NUGGC: variants seen among roughly 807,000 people sequenced by gnomAD.
NUGGC encodes nuclear GTPase SLIP-GC.
A neutral mutation model predicts 92.6 loss-of-function variants in NUGGC; 58 were observed. The ratio of observed to expected loss-of-function variants is 0.63; its 90% CI spans 0.51 to 0.78. The LOEUF (loss-of-function observed/expected upper bound fraction) is 0.78. Ranked by LOEUF, NUGGC falls within the 30% of genes least tolerant of loss-of-function variation. The pLI is 0.00. For synonymous variants in NUGGC, 376 were observed against 366.4 expected (o/e 1.03, Z -0.30); for missense variants, 925 against 964.6 (o/e 0.96, Z 0.54).
At chr8:28,026,659 A>G (rs1329002924) in intron 18 of NUGGC, among the ~76,000 whole-genome samples, 2 of 152,160 alleles carry the variant, frequency 1.3e-5, no homozygotes, top group African/African-American at 4.8e-5. Flanking sequence ...AACAACATCT[A>G]TCCCTGGGAG....
At chr8:28,069,506 C>G (rs761879942) in intron 4 of NUGGC, 38 bp downstream of exon 4, 7 of 1,019,040 alleles carry the variant, frequency 6.9e-6, no homozygotes, top group South Asian at 5.4e-5. Flanking sequence ...AGGAAAGACA[C>G]TGACATAAAA....
At chr8:28,055,873 C>A in intron 10 of NUGGC, 92 bp downstream of exon 10, 1 of 674,918 alleles carries the variant, frequency 1.5e-6, no homozygotes, top group Non-Finnish European at 2.5e-6. Flanking sequence ...AAACTTTGGC[C>A]CTTGCAACTA....
intron 2 of NUGGC, among the ~76,000 whole-genome samples, chr8:28,070,983 T>C (rs1416982956): frequency 6.6e-6 from 1 of 151,596 alleles, no homozygotes; most frequent in African/African-American, 2.4e-5. Flanking sequence ...TACAAGACCC[T>C]GTCTCAAAAA....
chr8:28,057,190 G>A (rs765366529), intron 9 of NUGGC, among the ~76,000 whole-genome samples: 27 of 152,172 alleles, frequency 1.8e-4, no homozygotes, highest in Admixed American at 8.5e-4. Flanking sequence ...CATATGTGCC[G>A]TAGATTGAGG....
chr8:28,031,147 C>A, intron 15 of NUGGC, 96 bp downstream of exon 15: 1 of 1,403,242 alleles, frequency 7.1e-7, no homozygotes, highest in Non-Finnish European at 1.0e-6. Flanking sequence ...CTGGATACTC[C>A]AGGGAACAAG....
chr8:28,060,718 C>T, intron 7 of NUGGC, 117 bp from the exon 8 acceptor site: 7 of 805,392 alleles, frequency 8.7e-6, no homozygotes, highest in Non-Finnish European at 1.3e-5. Context: ...CACCGCTCCC[C>T]ACCGCACTCT....
chr8:28,060,717 C>T (rs1475433368), intron 7 of NUGGC, 116 bp from the exon 8 acceptor site: 4 of 803,594 alleles, frequency 5.0e-6, no homozygotes, highest in African/African-American at 3.5e-5. Context: ...TCACCGCTCC[C>T]CACCGCACTC....
chr8:28,038,149 G>A (rs1489453621), intron 13 of NUGGC, among the ~76,000 whole-genome samples: 5 of 152,142 alleles, frequency 3.3e-5, no homozygotes, highest in Admixed American at 3.3e-4. Context: ...GCTAAGAATG[G>A]CTTCAGTTAG....
chr8:28,040,168 G>T (rs1273664301), intron 13 of NUGGC, among the ~76,000 whole-genome samples: 1 of 152,172 alleles, frequency 6.6e-6, no homozygotes, highest in Non-Finnish European at 1.5e-5. Flanking sequence ...ATAGGATTTT[G>T]TTATGGCAGC....
In NUGGC at chr8:28,029,330, T is replaced by G. The variant is rs1809352701; in HGVS notation, c.2090A>C (p.Gln697Pro). 1.2e-6 allele frequency: 2 copies of G among 1,611,404 alleles called. No homozygotes were observed. The highest frequency in any genetic ancestry group is 4.5e-5 in the East Asian group (2 of 44,778). The change falls in exon 17 of 19, where the codon CAG (glutamine) becomes CCG (proline). Residue 697 changes from glutamine to proline, a missense_variant. Physicochemically the swap from Gln to Pro is moderately conservative, Grantham distance 76. Coordinates refer to ENST00000413272, the MANE Select transcript of NUGGC (RefSeq NM_001010906.2). Reference protein sequence around the residue: ...KDAIRRGVDRQVAEGMFERAQ... With the variant: ...KDAIRRGVDRPVAEGMFERAQ... ...CCTTTCAAACATGCCCTCAGCCACC[T>G]GCCGGTCCACTCCTCTTCTGATGGC...
intron 7 of NUGGC, among the ~76,000 whole-genome samples, chr8:28,061,848 C>T (rs1235766455): frequency 6.6e-6 from 1 of 152,154 alleles, no homozygotes; most frequent in Non-Finnish European, 1.5e-5. Context: ...ATGCCCAGGA[C>T]AGCCCAACCC....
chr8:28,022,137 A>G lies in NUGGC; in HGVS notation c.*1180T>C, dbSNP rs1259691649. The G allele has an allele frequency of 7.0e-6, 1 of 143,016 alleles. No homozygotes were observed. The highest frequency in any genetic ancestry group is 1.5e-5 in the Non-Finnish European group (1 of 65,722). The allele number at this position is 143,016 out of a possible 1,614,324, so 8.9% of individuals were successfully genotyped here. A position where few individuals can be genotyped will look rare whatever the true frequency, so the allele number is the denominator to read the frequency against. On this transcript the variant is annotated 3_prime_UTR_variant, in exon 19 of 19. Transcript: ENST00000413272. ...TATGTATGGGTGTGTGTGTGTATAT[A>G]TATATATTTTTTTCTTTTTCTTTTT... is the stretch of plus-strand genomic sequence containing the variant.
intron 13 of NUGGC, among the ~76,000 whole-genome samples, chr8:28,039,356 C>T (rs1205022726): frequency 1.3e-5 from 2 of 152,066 alleles, no homozygotes; most frequent in Admixed American, 6.6e-5. Context: ...TCTCAGCTTC[C>T]CCAGTAGCTG....
At chr8:28,036,361 A>G (rs537059370) in intron 13 of NUGGC, among the ~76,000 whole-genome samples, 60 of 151,164 alleles carry the variant, frequency 4.0e-4, no homozygotes, top group African/African-American at 1.4e-3. Flanking sequence ...TGGCCTTTGT[A>G]TGAAGAGATA....
chr8:28,045,909 T>C (rs1809821177), intron 11 of NUGGC, among the ~76,000 whole-genome samples: 1 of 152,152 alleles, frequency 6.6e-6, no homozygotes, highest in Non-Finnish European at 1.5e-5. Context: ...AAAAACTACA[T>C]GGAAAAGTAC....
intron 10 of NUGGC, among the ~76,000 whole-genome samples, chr8:28,048,745 C>T (rs994418761): frequency 6.6e-6 from 1 of 151,546 alleles, no homozygotes; most frequent in East Asian, 1.9e-4. Flanking sequence ...CACTTGTAGT[C>T]GCAGCTACTC....
intron 7 of NUGGC, among the ~76,000 whole-genome samples, chr8:28,061,155 G>C (rs1170491244): frequency 6.6e-6 from 1 of 152,186 alleles, no homozygotes; most frequent in Admixed American, 6.5e-5. Flanking sequence ...CCAGAACTAG[G>C]TTTGGTGGTG....
At chr8:28,040,792 A>G (rs1398873636) in intron 13 of NUGGC, among the ~76,000 whole-genome samples, 1 of 151,984 alleles carries the variant, frequency 6.6e-6, no homozygotes, top group Admixed American at 6.6e-5. Flanking sequence ...GATGACAGGC[A>G]CACGCCACCA....
Position 28,041,216 on chromosome 8 carries a change from C to T in NUGGC, c.1447-1G>A. ...GGACACTCATGTGCAAGTGTTCATT[C>T]TAGGGACAAGGACCATAAAAGAATC... On this transcript the variant is annotated splice_acceptor_variant, in intron 12 of 18. Transcript: ENST00000413272. LOFTEE classifies it high-confidence loss of function. The T allele has an allele frequency of 6.2e-7, 1 of 1,608,656 alleles. No individual in the cohort carries two copies. The highest frequency in any genetic ancestry group is 1.1e-5 in the South Asian group (1 of 89,348).
Sources: gnomAD v4.1 joint callset for allele counts (sites outside exome capture counted in the v4.1 genomes callset) on GRCh38, gnomAD v4.1.1 for gene constraint, MANE v1.5 for transcripts, NCBI Gene and HGNC (gene_info 2026-07-23, HGNC 2026-07-21) for gene names.